UGGT1: variants seen among roughly 807,000 people sequenced by gnomAD.
The protein encoded by UGGT1 is UDP-glucose glycoprotein glucosyltransferase 1.
Under a neutral mutation model 203.9 loss-of-function variants are expected in UGGT1, and 107 were observed. The observed-to-expected ratio is 0.52, with a 90% CI of 0.45 to 0.62. The LOEUF (loss-of-function observed/expected upper bound fraction) is 0.62, where lower values mean the gene tolerates loss of function less well. Among genes scored for constraint, UGGT1 ranks in the 20% least tolerant of loss-of-function variants. The probability of loss-of-function intolerance (pLI) is 0.00; values close to 1 mark genes in which losing one functional copy is unlikely to be tolerated. For synonymous variants in UGGT1, 628 were observed against 653.5 expected (o/e 0.96, Z 0.59); for missense variants, 1,673 against 1,867.2 (o/e 0.90, Z 1.92).
rs73955955 is a variant in UGGT1, at chr2:128,155,014, C to T, written c.2138-475C>T. On this transcript the variant is annotated intron_variant, in intron 19 of 40. Transcript: ENST00000259253. ...ACATATGCAAAAAGAGTGAAAATGACCTTTTATTTCTGTTAAGGGTTTAAA... is the reference window on the plus strand; with the variant it reads ...ACATATGCAAAAAGAGTGAAAATGATCTTTTATTTCTGTTAAGGGTTTAAA... Among the ~76,000 whole-genome samples, 371 of 152,262 alleles carry T rather than the reference C, an allele frequency of 2.4e-3. 1 individual carries two copies. The highest frequency in any genetic ancestry group is 0.014 in the Middle Eastern group (4 of 294).
intron 15 of UGGT1, among the ~76,000 whole-genome samples, chr2:128,135,480 T>G (rs1171314058): frequency 1.3e-5 from 2 of 152,258 alleles, no homozygotes; most frequent in Non-Finnish European, 2.9e-5. Flanking sequence ...AATGCTAAGA[T>G]ATTTTCACCT....
At chr2:128,121,932 C>T (rs923895077) in intron 10 of UGGT1, among the ~76,000 whole-genome samples, 2 of 152,192 alleles carry the variant, frequency 1.3e-5, no homozygotes, top group Non-Finnish European at 2.9e-5. Context: ...GAGTCTTGCT[C>T]ATATAACTAA....
chr2:128,187,418 T>C (rs1692035658), intron 39 of UGGT1, 31 bp from the exon 40 acceptor site: 1 of 1,595,648 alleles, frequency 6.3e-7, no homozygotes, highest in Non-Finnish European at 8.6e-7. Context: ...TTTCTTCAAC[T>C]CAGCTGAAGT....
At chr2:128,114,992 CAATTT>C in intron 6 of UGGT1, 127 bp from the exon 7 acceptor site, 1 of 780,104 alleles carries the variant, frequency 1.3e-6, no homozygotes, top group Non-Finnish European at 2.0e-6. Flanking sequence ...CGTTAAAAAA[CAATTT>C]AAAGATATTT....
intron 5 of UGGT1, among the ~76,000 whole-genome samples, chr2:128,112,103 C>A (rs1444275284): frequency 2.0e-5 from 3 of 151,052 alleles, no homozygotes; most frequent in Non-Finnish European, 4.4e-5. Flanking sequence ...AGACTGAGGA[C>A]TTCTCAAAAT....
Position 128,157,325 on chromosome 2 carries a change from G to C in UGGT1, c.2334G>C (p.Leu778=), listed in dbSNP as rs780518329. The C allele has an allele frequency of 1.2e-6, 2 of 1,614,050 alleles. No individual in the cohort carries two copies. The highest frequency in any genetic ancestry group is 2.2e-5 in the South Asian group (2 of 91,086). The change falls in exon 22 of 41, where the codon CTG becomes CTC. Residue 778 remains leucine (L), a synonymous_variant. Transcript: ENST00000259253. ...ATAGCCCTTCTGGACGGCAGTTACTGTATGATGCCATCAAACATCAGGCAA... is the reference window on the plus strand; with the variant it reads ...ATAGCCCTTCTGGACGGCAGTTACTCTATGATGCCATCAAACATCAGGCAA... The part of the protein sequence containing the change: ...DFDSPSGRQL[L]YDAIKHQKSS...
At chr2:128,186,435 C>T (rs983910027) in intron 38 of UGGT1, among the ~76,000 whole-genome samples, 2 of 152,066 alleles carry the variant, frequency 1.3e-5, no homozygotes, top group Non-Finnish European at 2.9e-5. Flanking sequence ...TGGCAAAACG[C>T]ATCTCTAGTA....
chr2:128,158,232 T>C (rs1242950234), intron 22 of UGGT1, among the ~76,000 whole-genome samples: 1 of 152,164 alleles, frequency 6.6e-6, no homozygotes, highest in African/African-American at 2.4e-5. Flanking sequence ...ACTATTTTAA[T>C]TGAAGTAAAA....
intron 3 of UGGT1, among the ~76,000 whole-genome samples, chr2:128,106,804 C>G (rs1167333982): frequency 6.6e-6 from 1 of 152,106 alleles, no homozygotes; most frequent in East Asian, 1.9e-4. Flanking sequence ...CCCACCTGCC[C>G]CTTCCAAAGT....
At chr2:128,181,394 C>T (rs960958411) in intron 36 of UGGT1, among the ~76,000 whole-genome samples, 11 of 152,000 alleles carry the variant, frequency 7.2e-5, no homozygotes, top group Non-Finnish European at 1.2e-4. Context: ...AATTATCTGC[C>T]CAAAAGATAG....
chr2:128,160,544 G>C lies in UGGT1; in HGVS notation c.2647G>C (p.Val883Leu). 6.2e-7 allele frequency: 1 copy of C among 1,613,574 alleles called. No homozygotes were observed. The highest frequency in any genetic ancestry group is 8.5e-7 in the Non-Finnish European group (1 of 1,179,858). The change falls in exon 24 of 41, where the codon GTT (valine) becomes CTT (leucine). Residue 883 changes from valine (V) to leucine (L), a missense_variant. Transcript: ENST00000259253. ...ILSHAVYCRD[V>L]LKLKKGQRAV... ...GTCTCATGCCGTGTACTGCAGGGATGTTCTGAAGCTGAAGAAGGGACAGAG... is the reference window on the plus strand; with the variant it reads ...GTCTCATGCCGTGTACTGCAGGGATCTTCTGAAGCTGAAGAAGGGACAGAG...
At chr2:128,107,824 G>T in intron 3 of UGGT1, 114 bp from the exon 4 acceptor site, 1 of 1,409,378 alleles carries the variant, frequency 7.1e-7, no homozygotes, top group Non-Finnish European at 9.7e-7. Context: ...ACAATATACT[G>T]GTAAAACTTG....
chr2:128,173,649 C>A lies in UGGT1; in HGVS notation c.3295-132C>A, dbSNP rs944685445. On this transcript the variant is annotated intron_variant, in intron 29 of 40. Coordinates refer to ENST00000259253, the MANE Select transcript of UGGT1 (RefSeq NM_020120.4). ...TTCTGTCATTATACTTTTGTCTTTT[C>A]TTGAATTTCTTAAAATATGATCATA... The A allele has an allele frequency of 3.5e-6, 4 of 1,133,390 alleles. No homozygotes were observed. The African/African-American group carries it at 4.7e-5, about 13-fold the overall frequency. 70.2% of individuals were successfully genotyped at this position (1,133,390 alleles called of 1,614,324 possible).
chr2:128,188,907 TA>T (rs1225398260), intron 40 of UGGT1, among the ~76,000 whole-genome samples: 4 of 152,234 alleles, frequency 2.6e-5, no homozygotes, highest in African/African-American at 9.6e-5. Flanking sequence ...GCTGGAAGGT[TA>T]TATAGTAACC....
chr2:128,120,606 A>G (rs1015930389), intron 9 of UGGT1, 150 bp downstream of exon 9: 14 of 666,870 alleles, frequency 2.1e-5, no homozygotes, highest in Non-Finnish European at 3.7e-5. Flanking sequence ...ACGATTAATC[A>G]GGGAAGAAAG....
intron 8 of UGGT1, among the ~76,000 whole-genome samples, chr2:128,118,466 A>T (rs1446826285): frequency 6.6e-6 from 1 of 152,106 alleles, no homozygotes; most frequent in Non-Finnish European, 1.5e-5. Flanking sequence ...GAGTCTTGCT[A>T]TATTGCCTAG....
chr2:128,094,509 T>G (rs1687015558), intron 1 of UGGT1, among the ~76,000 whole-genome samples: 1 of 152,174 alleles, frequency 6.6e-6, no homozygotes, highest in Admixed American at 6.6e-5. Flanking sequence ...GATACTATTA[T>G]TCCTACTTTG....
At chr2:128,184,827 A>C (rs1691889419) in intron 38 of UGGT1, among the ~76,000 whole-genome samples, 1 of 152,096 alleles carries the variant, frequency 6.6e-6, no homozygotes, top group African/African-American at 2.4e-5. Context: ...GATTACAGGC[A>C]CGCACCACCA....
rs146844865 is a variant in UGGT1 at position 128,163,762 on chromosome 2, T to C, written c.2826-968T>C. ...AAGAGGCAGGGACAATAAAATTCTT[T>C]TTAAAGTGGTTTACTTCAGTGTTAA... On this transcript the variant is annotated intron_variant, in intron 25 of 40. Transcript: ENST00000259253. Among the ~76,000 whole-genome samples, 19 of 152,318 alleles carry C rather than the reference T, an allele frequency of 1.2e-4. 1 individual carries two copies. In the East Asian group the frequency reaches 3.7e-3, roughly 29 times the overall value.
Sources: allele counts gnomAD v4.1 joint callset (sites outside exome capture counted in the v4.1 genomes callset), GRCh38; gene constraint gnomAD v4.1.1; transcripts MANE v1.5; gene names NCBI Gene and HGNC (gene_info 2026-07-23, HGNC 2026-07-21).